The following CLASP1 variants were observed in gnomAD, a reference collection of about 807,000 sequenced individuals.
The protein encoded by CLASP1 is CLIP-associating protein 1.
Under a neutral mutation model 192.3 loss-of-function variants are expected in CLASP1, and 38 were observed. The ratio of observed to expected loss-of-function variants is 0.20; its 90% confidence interval spans 0.15 to 0.26. The LOEUF (loss-of-function observed/expected upper bound fraction) is 0.26, where lower values mean the gene tolerates loss of function less well. CLASP1 is among the 10% of genes least tolerant of loss of function. The pLI is 1.00. For missense variants in CLASP1, 1,433 were observed against 1,932.5 expected (o/e 0.74, Z 4.85); for synonymous variants, 691 against 712.8 (o/e 0.97, Z 0.49).
At chr2:121,420,175 T>C (rs983812707) in intron 22 of CLASP1, among the ~76,000 whole-genome samples, 7 of 151,758 alleles carry the variant, frequency 4.6e-5, no homozygotes, top group Non-Finnish European at 8.8e-5. Flanking sequence ...CTCAACAATC[T>C]AGACATAAAG....
chr2:121,373,041 TA>T (rs2069085641), intron 34 of CLASP1, among the ~76,000 whole-genome samples: 1 of 152,228 alleles, frequency 6.6e-6, no homozygotes, highest in Non-Finnish European at 1.5e-5. Flanking sequence ...GCACATCTGA[TA>T]TGGTTTGGCT....
At chr2:121,559,066 G>A (rs779718689) in intron 2 of CLASP1, among the ~76,000 whole-genome samples, 8 of 152,182 alleles carry the variant, frequency 5.3e-5, no homozygotes, top group Non-Finnish European at 1.2e-4. Flanking sequence ...TTAGAGCCAC[G>A]GCACTGTGAT....
chr2:121,452,940 CTT>C (rs2085809466), intron 14 of CLASP1, among the ~76,000 whole-genome samples: 1 of 152,328 alleles, frequency 6.6e-6, no homozygotes, highest in Middle Eastern at 3.4e-3. Context: ...AATGACCAGA[CTT>C]TCTTTCCTAC....
chr2:121,338,029 A>G (rs920285567), exon 40 of CLASP1: 4 of 152,534 alleles, frequency 2.6e-5, no homozygotes, highest in Non-Finnish European at 4.4e-5. Flanking sequence ...CAGTGCCAAC[A>G]TAACTATTTT....
intron 21 of CLASP1, among the ~76,000 whole-genome samples, chr2:121,425,564 A>C (rs969602881): frequency 2.0e-5 from 3 of 152,134 alleles, no homozygotes; most frequent in African/African-American, 7.2e-5. Context: ...AAATGTCACA[A>C]AGGTGTTTAT....
At chr2:121,622,452 C>T (rs1372833206) in intron 1 of CLASP1, among the ~76,000 whole-genome samples, 1 of 151,480 alleles carries the variant, frequency 6.6e-6, no homozygotes, top group East Asian at 2.0e-4. Context: ...ACCTGTGGTA[C>T]CAACTACTCA....
chr2:121,402,589 A>G (rs758463732), intron 26 of CLASP1: 6 of 518,548 alleles, frequency 1.2e-5, no homozygotes, highest in African/African-American at 1.2e-4. Flanking sequence ...AGACCTCCAA[A>G]CTCACTGTAC....
At chr2:121,420,215 T>C (rs989994602) in intron 22 of CLASP1, among the ~76,000 whole-genome samples, 1 of 152,220 alleles carries the variant, frequency 6.6e-6, no homozygotes, top group African/African-American at 2.4e-5. Context: ...CAGAAATTCT[T>C]AAGCTCTCCT....
At chr2:121,401,390 A>G in intron 28 of CLASP1, 119 bp downstream of exon 29, 1 of 700,564 alleles carries the variant, frequency 1.4e-6, no homozygotes, top group East Asian at 2.5e-5. Flanking sequence ...GAAAGTGAGA[A>G]CTGAGTAAAA....
rs550289090 is a variant in CLASP1 at position 121,622,430 on chromosome 2, G to A, written c.-285-16250C>T. 1.8e-3 allele frequency among the ~76,000 whole-genome samples: 276 copies of A among 151,764 alleles called. 2 individuals are homozygous for A. Among genetic ancestry groups the A allele is most frequent in the South Asian group, 6.3e-3 (30 of 4,788 alleles). On this transcript the variant is annotated intron_variant, in intron 1 of 39. Transcript: ENST00000263710. The stretch of plus-strand genomic sequence containing the variant: ...TAAAAAAAACAAAAATTAGCCAGGC[G>A]TGGTGGTATACACCTGTGGTACCAA...
At chr2:121,645,324 A>G (rs2072983517) in intron 1 of CLASP1, among the ~76,000 whole-genome samples, 1 of 152,206 alleles carries the variant, frequency 6.6e-6, no homozygotes, top group Admixed American at 6.5e-5. Flanking sequence ...CGTGAAAGGG[A>G]GGGAGCAGAC....
At chr2:121,376,695 G>T (rs72967321) in intron 34 of CLASP1, among the ~76,000 whole-genome samples, 3 of 152,118 alleles carry the variant, frequency 2.0e-5, no homozygotes, top group South Asian at 2.1e-4. Context: ...GTGAGCAGTG[G>T]GCAAGTGAGT....
chr2:121,355,668 C>T (rs553267184), intron 37 of CLASP1, among the ~76,000 whole-genome samples: 1 of 152,282 alleles, frequency 6.6e-6, no homozygotes, highest in African/African-American at 2.4e-5. Context: ...GGTTTTGCCC[C>T]TGTGTTCTAT....
At chr2:121,353,944 T>TATTTTA (rs747638395) in intron 37 of CLASP1, among the ~76,000 whole-genome samples, 1 of 152,086 alleles carries the variant, frequency 6.6e-6, no homozygotes, top group Non-Finnish European at 1.5e-5. Context: ...GCACACATAA[T>TATTTTA]ATTTTAAGTT....
intron 8 of CLASP1, among the ~76,000 whole-genome samples, chr2:121,498,961 G>T (rs890912998): frequency 6.6e-6 from 1 of 152,196 alleles, no homozygotes; most frequent in African/African-American, 2.4e-5. Flanking sequence ...ACTCTTACAG[G>T]TTGCTGGTAA....
At chr2:121,566,303 T>C (rs1466035250) in intron 2 of CLASP1, among the ~76,000 whole-genome samples, 9 of 152,228 alleles carry the variant, frequency 5.9e-5, no homozygotes, top group Admixed American at 1.3e-4. Context: ...AGGTGTATAA[T>C]GTGAATTCCC....
chr2:121,479,689 G>C (rs1402028040), intron 8 of CLASP1, among the ~76,000 whole-genome samples: 1 of 152,102 alleles, frequency 6.6e-6, no homozygotes, highest in African/African-American at 2.4e-5. Flanking sequence ...CTCCATCAAA[G>C]TATGGGAACT....
exon 34 of CLASP1, chr2:121,377,557 C>T (rs754245466): frequency 6.2e-6 from 10 of 1,600,090 alleles, no homozygotes; most frequent in African/African-American, 4.0e-5. Flanking sequence ...TTCTTGGCTT[C>T]GAAAACTAAA....
intron 1 of CLASP1, among the ~76,000 whole-genome samples, chr2:121,639,300 C>CA (rs1377261474): frequency 2.0e-5 from 3 of 151,626 alleles, no homozygotes; most frequent in Non-Finnish European, 4.4e-5. Flanking sequence ...CAAACAAAAA[C>CA]AAAAAAACAC....
Sources: allele counts gnomAD v4.1 joint callset (sites outside exome capture counted in the v4.1 genomes callset), GRCh38; gene constraint gnomAD v4.1.1; transcripts MANE v1.5; gene names NCBI Gene and HGNC (gene_info 2026-07-23, HGNC 2026-07-21).